Variants in ESS2 observed in about 807,000 individuals in gnomAD.
The protein encoded by ESS2 is splicing factor ESS-2 homolog.
ESS2 carries 31 observed loss-of-function variants against 52.0 expected under a neutral mutation model. That is an observed-to-expected ratio of 0.60 (90% confidence interval 0.45 to 0.81). The LOEUF (loss-of-function observed/expected upper bound fraction) is 0.81. Ranked by LOEUF, ESS2 falls within the 30% of genes least tolerant of loss-of-function variation. ESS2 has a pLI of 0.00. For synonymous variants in ESS2, 285 were observed against 259.2 expected (o/e 1.10, Z -0.95); for missense variants, 602 against 637.2 (o/e 0.94, Z 0.59).
Position 19,139,639 on chromosome 22 carries a change from T to C in ESS2, c.661A>G (p.Lys221Glu). 6.2e-7 allele frequency: 1 copy of C among 1,614,206 alleles called. No homozygotes were observed. The highest frequency in any genetic ancestry group is 1.7e-5 in the Admixed American group (1 of 60,024). Residue 221 changes from lysine (K) to glutamate (E), a missense_variant, in exon 5 of 10, where the codon AAG becomes GAG. Transcript: ENST00000252137. The stretch of plus-strand genomic sequence containing the variant: ...TCTGGATAGTACATGAGGGAATTCT[T>C]GGCCTTGTACTTCCAGGTCTCCACA... ...ASVETWKYKA[K>E]NSLMYYPEGV...
intron 3 of ESS2, among the ~76,000 whole-genome samples, chr22:19,140,275 G>A (rs543482623): frequency 1.3e-5 from 2 of 152,184 alleles, no homozygotes; most frequent in Non-Finnish European, 2.9e-5. Context: ...TGTGCTGGAT[G>A]CCAAGGGAAT....
chr22:19,139,768 C>CTGCA, intron 4 of ESS2, 39 bp from the exon 5 acceptor site: 1 of 1,614,016 alleles, frequency 6.2e-7, no homozygotes, highest in Non-Finnish European at 8.5e-7. Flanking sequence ...CAGAGATGCC[C>CTGCA]CTGGGCATTG....
chr22:19,131,083 A>C lies in ESS2; in HGVS notation c.*3113T>G. ...ACAGGGAAACCAATGCAGCAGCAGC[A>C]GGGCCACCAGAGTCCTGTCCTGGGG... On this transcript the variant is annotated 3_prime_UTR_variant, in exon 10 of 10. Coordinates refer to ENST00000252137, the MANE Select transcript of ESS2 (RefSeq NM_022719.3). This position sits in a 1 kb window ranked among gnomAD's most constrained non-coding sequence, Gnocchi z 5.7. 3.3e-6 allele frequency: 1 copy of C among 302,252 alleles called. No individual in the cohort carries two copies. Among genetic ancestry groups the C allele is most frequent in the Non-Finnish European group, 6.2e-6 (1 of 160,906 alleles). The allele number at this position is 302,252 out of a possible 1,614,324, so 18.7% of individuals were successfully genotyped here. A position where few individuals can be genotyped will look rare whatever the true frequency, so the allele number is the denominator to read the frequency against.
chr22:19,137,895 G>A (rs2083611488), intron 7 of ESS2: 2 of 985,372 alleles, frequency 2.0e-6, no homozygotes, highest in African/African-American at 1.7e-5. Context: ...CTCCCTCCCT[G>A]CAGTGCTAGG....
At chr22:19,137,883 G>A in intron 7 of ESS2, 1 of 985,376 alleles carries the variant, frequency 1.0e-6, no homozygotes, top group African/African-American at 1.7e-5. Context: ...GAGGTGCTGG[G>A]CCTCCCTCCC....
At chr22:19,139,816 G>T in intron 4 of ESS2, 39 bp downstream of exon 4, 1 of 1,613,722 alleles carries the variant, frequency 6.2e-7, no homozygotes. Context: ...ACCACAGAGG[G>T]TGCCTACGCC....
Position 19,134,393 on chromosome 22 carries a change from G to C in ESS2, c.1234C>G (p.Arg412Gly), listed in dbSNP as rs186717850. Residue 412 changes from arginine to glycine, a missense_variant, in exon 10 of 10, where the codon CGG becomes GGG. Transcript: ENST00000252137. The stretch of plus-strand genomic sequence containing the variant: ...GGTGTGTAGCTGGCCCGCAGGGCCC[G>C]GTCTGTGTACTTGCTGGCCGTCCTG... ...VSRTASKYTD[R>G]ALRASYTPSP... is the part of the protein sequence containing the mutation. 1.9e-6 allele frequency: 3 copies of C among 1,611,504 alleles called. No homozygotes were observed. Among genetic ancestry groups the C allele is most frequent in the South Asian group, 1.1e-5 (1 of 90,822 alleles).
At chr22:19,137,929 T>G in intron 7 of ESS2, 1 of 985,320 alleles carries the variant, frequency 1.0e-6, no homozygotes, top group Non-Finnish European at 1.2e-6. Flanking sequence ...ATAAGCACTG[T>G]GCACACACCC....
chr22:19,132,258 A>G lies in ESS2; in HGVS notation c.*1938T>C. Reference sequence around the variant, plus strand: ...AGCCACGTCTTCTGCCTCCTTCAAGAGGGAGGGGGAGGGCAAGTACCGCGC... The same window carrying G: ...AGCCACGTCTTCTGCCTCCTTCAAGGGGGAGGGGGAGGGCAAGTACCGCGC... On this transcript the variant is annotated 3_prime_UTR_variant, in exon 10 of 10. Coordinates refer to ENST00000252137, the MANE Select transcript of ESS2 (RefSeq NM_022719.3). The surrounding 1 kb of genome is among the most constrained non-coding windows in gnomAD (Gnocchi z 4.2). 1 of 1,611,954 alleles carries G rather than the reference A, an allele frequency of 6.2e-7. No homozygotes were observed. Among genetic ancestry groups the G allele is most frequent in the Non-Finnish European group, 8.5e-7 (1 of 1,178,708 alleles).
chr22:19,141,039 C>T (rs116660997), intron 3 of ESS2, among the ~76,000 whole-genome samples: 2,445 of 151,204 alleles, frequency 0.016, 69 homozygotes, highest in African/African-American at 0.057. Flanking sequence ...CCTAGCACTT[C>T]GGGAGGCCAA....
chr22:19,144,404 C>T (rs2083748539), intron 1 of ESS2, 102 bp downstream of exon 1: 2 of 1,573,296 alleles, frequency 1.3e-6, no homozygotes, highest in African/African-American at 1.4e-5. Flanking sequence ...TCCTCCACTT[C>T]CACGAGGAGA....
rs1317801913 is a variant in ESS2, at chr22:19,139,296, G to A, written c.689-4C>T. 1 of 1,583,014 alleles carries A rather than the reference G, an allele frequency of 6.3e-7. No individual in the cohort carries two copies. The highest frequency in any genetic ancestry group is 8.6e-7 in the Non-Finnish European group (1 of 1,163,038). On this transcript the variant is annotated splice_region_variant and splice_polypyrimidine_tract_variant and intron_variant, in intron 5 of 9. Coordinates refer to ENST00000252137, the MANE Select transcript of ESS2 (RefSeq NM_022719.3). ...AGCTGCTCCTCGTCAGGGACACCTGGCAGACGAAGCAAAGGTAGCAGCAGG... is the reference window on the plus strand; with the variant it reads ...AGCTGCTCCTCGTCAGGGACACCTGACAGACGAAGCAAAGGTAGCAGCAGG...
At chr22:19,144,093 G>C in intron 1 of ESS2, 1 of 1,009,336 alleles carries the variant, frequency 9.9e-7, no homozygotes, top group Non-Finnish European at 1.2e-6. Context: ...CCTTCTGTGT[G>C]CGTGTGGTGG....
In ESS2 at chr22:19,138,218, G is replaced by T; in HGVS notation, c.922C>A (p.Pro308Thr). Reference sequence around the variant, plus strand: ...TGCCAGTGGGCACTTTTCTCACCAGGGGCAGGGGAAGGAGTGGCAACAAAT... The same window carrying T: ...TGCCAGTGGGCACTTTTCTCACCAGTGGCAGGGGAAGGAGTGGCAACAAAT... ...FGFVATPSPA[P>T]GVNESPMMTW... Residue 308 changes from proline (P) to threonine (T), a missense_variant, in exon 7 of 10, where the codon CCT becomes ACT. Coordinates refer to ENST00000252137, the MANE Select transcript of ESS2 (RefSeq NM_022719.3). 6.2e-7 allele frequency: 1 copy of T among 1,614,004 alleles called. No individual in the cohort carries two copies. Among genetic ancestry groups the T allele is most frequent in the Non-Finnish European group, 8.5e-7 (1 of 1,179,960 alleles).
intron 1 of ESS2, 153 bp downstream of exon 1, chr22:19,144,353 C>G: frequency 1.4e-6 from 2 of 1,473,616 alleles, no homozygotes; most frequent in Non-Finnish European, 1.8e-6. Flanking sequence ...ACGTCTTCCT[C>G]TGCCCTGTTT....
rs771881087 is a variant in ESS2, at chr22:19,132,185, C to T, written c.*2011G>A. 4 of 1,613,200 alleles carry T rather than the reference C, an allele frequency of 2.5e-6. No homozygotes were observed. Among genetic ancestry groups the T allele is most frequent in the Non-Finnish European group, 3.4e-6 (4 of 1,179,418 alleles). On this transcript the variant is annotated 3_prime_UTR_variant, in exon 10 of 10. Coordinates refer to ENST00000252137, the MANE Select transcript of ESS2 (RefSeq NM_022719.3). This position sits in a 1 kb window ranked among gnomAD's most constrained non-coding sequence, Gnocchi z 4.2. ...AGCCCGACGTCAGCCAGCGGCTCCACATCGATGAGATCCTCAGCCACTCGT... is the reference window on the plus strand; with the variant it reads ...AGCCCGACGTCAGCCAGCGGCTCCATATCGATGAGATCCTCAGCCACTCGT...
chr22:19,132,790 G>T lies in ESS2; in HGVS notation c.*1406C>A. 1 of 351,426 alleles carries T rather than the reference G, an allele frequency of 2.8e-6. No individual in the cohort carries two copies. Among genetic ancestry groups the T allele is most frequent in the African/African-American group, 2.1e-5 (1 of 47,636 alleles). The allele number at this position is 351,426 out of a possible 1,614,324, so 21.8% of individuals were successfully genotyped here. A position where few individuals can be genotyped will look rare whatever the true frequency, so the allele number is the denominator to read the frequency against. Reference sequence around the variant, plus strand: ...CAGTGGTCTCCGGCCTAGGAGCACAGGACAGATGCTCAGGTACAGGCAGAA... The same window carrying T: ...CAGTGGTCTCCGGCCTAGGAGCACATGACAGATGCTCAGGTACAGGCAGAA... On this transcript the variant is annotated 3_prime_UTR_variant, in exon 10 of 10. Transcript: ENST00000252137. The surrounding 1 kb of genome is among the most constrained non-coding windows in gnomAD (Gnocchi z 4.2).
In ESS2 at chr22:19,142,646, AGG is replaced by A. The variant is rs1260227920; in HGVS notation, c.305-15_305-14del. ...GCTGGAGTCACATCTAGGGGAAGAG[AGG>A]GGGATAAGAATTAGAGTGAGCCTGA... On this transcript the variant is annotated splice_polypyrimidine_tract_variant and intron_variant, in intron 2 of 9. Transcript: ENST00000252137. 1.2e-6 allele frequency: 2 copies of A among 1,611,308 alleles called. No homozygotes were observed. Among genetic ancestry groups the A allele is most frequent in the Non-Finnish European group, 1.7e-6 (2 of 1,178,792 alleles).
rs773436625 is a variant in ESS2 at position 19,132,544 on chromosome 22, G to A, written c.*1652C>T. 1.6e-4 allele frequency: 233 copies of A among 1,452,526 alleles called. No homozygotes were observed. The highest frequency in any genetic ancestry group is 9.6e-4 in the Admixed American group (46 of 48,074). The allele number at this position is 1,452,526 out of a possible 1,614,324, so 90.0% of individuals were successfully genotyped here. A position where few individuals can be genotyped will look rare whatever the true frequency, so the allele number is the denominator to read the frequency against. ...GGGGCATGGTGCAGTCGGCCTTCAC[G>A]TAAACTAAGTAGGCAGGTAGGATCT... On this transcript the variant is annotated 3_prime_UTR_variant, in exon 10 of 10. Transcript: ENST00000252137. The surrounding 1 kb of genome is among the most constrained non-coding windows in gnomAD (Gnocchi z 4.2).
Sources: gnomAD v4.1 joint callset for allele counts (sites outside exome capture counted in the v4.1 genomes callset) on GRCh38, gnomAD v4.1.1 for gene constraint, Gnocchi (gnomAD v3.1) non-coding constraint, MANE v1.5 for transcripts, NCBI Gene and HGNC (gene_info 2026-07-23, HGNC 2026-07-21) for gene names.